Variants in TMPRSS3 observed in about 807,000 individuals in gnomAD.
TMPRSS3 encodes the protein transmembrane serine protease 3, also known as transmembrane protease serine 3.
TMPRSS3 carries 55 observed loss-of-function variants against 59.6 expected under a neutral mutation model. The observed-to-expected ratio is 0.92, with a 90% confidence interval of 0.74 to 1.16. TMPRSS3 has a LOEUF of 1.16. Among genes scored for constraint, TMPRSS3 ranks in the 50% most tolerant of loss-of-function variants. The probability of loss-of-function intolerance (pLI) is 0.00; values close to 1 mark genes in which losing one functional copy is unlikely to be tolerated. For synonymous variants in TMPRSS3, 257 were observed against 237.7 expected (o/e 1.08, Z -0.75); for missense variants, 596 against 579.4 (o/e 1.03, Z -0.29).
chr21:42,395,518 G>T, intron 1 of TMPRSS3, 50 bp from the exon 2 acceptor site: 1 of 969,784 alleles, frequency 1.0e-6, no homozygotes, highest in Non-Finnish European at 1.6e-6. Context: ...TATACTTGTA[G>T]CATCAGGTGC....
rs568043129 is a variant in TMPRSS3, at chr21:42,377,798, G to A, written c.1049-1115C>T. On this transcript the variant is annotated intron_variant, in intron 10 of 12. Transcript: ENST00000644384. Reference sequence around the variant, plus strand: ...CTCAGCTTCCTGCCCGGAACGTGGCGAAACAGCTCAATGCATTATGGGAGA... The same window carrying A: ...CTCAGCTTCCTGCCCGGAACGTGGCAAAACAGCTCAATGCATTATGGGAGA... Among the ~76,000 whole-genome samples the A allele has an allele frequency of 3.9e-5, 6 of 152,356 alleles. No homozygotes were observed. In the South Asian group the frequency reaches 6.2e-4, roughly 16 times the overall value.
rs727505305 is a variant in TMPRSS3, at chr21:42,376,530, C to A, written c.1191+11G>T. 1.2e-6 allele frequency: 2 copies of A among 1,612,546 alleles called. No individual in the cohort carries two copies. The highest frequency in any genetic ancestry group is 1.7e-6 in the Non-Finnish European group (2 of 1,179,810). On this transcript the variant is annotated intron_variant, in intron 11 of 12. Transcript: ENST00000644384. ...CCTGCCACGGCCTCGCCCACCGCTG[C>A]GGCCCCGTACCTGGCAGCTGTCCAC...
At chr21:42,373,909 G>A (rs1211902254) in intron 12 of TMPRSS3, among the ~76,000 whole-genome samples, 3 of 152,148 alleles carry the variant, frequency 2.0e-5, no homozygotes, top group Non-Finnish European at 4.4e-5. Context: ...AAGACACGGC[G>A]GTGGGCTTCT....
rs892194346 is a variant in TMPRSS3, at chr21:42,388,229, C to T, written c.446+174G>A. On this transcript the variant is annotated intron_variant, in intron 5 of 12. Coordinates refer to ENST00000644384, the MANE Select transcript of TMPRSS3 (RefSeq NM_001256317.3). The surrounding 1 kb of genome is among the most constrained non-coding windows in gnomAD (Gnocchi z 5.1). ...GAGCAAGTCACTTAGCCTGTCTGGC[C>T]TTGGTTTGCTTGCCTGTGAAGTGAG... 6.6e-6 allele frequency among the ~76,000 whole-genome samples: 1 copy of T among 152,236 alleles called. No individual in the cohort carries two copies. Among genetic ancestry groups the T allele is most frequent in the African/African-American group, 2.4e-5 (1 of 41,458 alleles).
At chr21:42,384,236 A>C (rs184077756) in intron 6 of TMPRSS3, among the ~76,000 whole-genome samples, 20 of 152,246 alleles carry the variant, frequency 1.3e-4, no homozygotes, top group Non-Finnish European at 2.8e-4. Context: ...TTGTGTACAC[A>C]ACAGGCCGTT....
chr21:42,381,749 G>A lies in TMPRSS3; in HGVS notation c.952+316C>T, dbSNP rs560086315. The A allele has an allele frequency of 3.7e-5, 18 of 485,134 alleles. No individual in the cohort carries two copies. The East Asian group carries it at 5.1e-4, about 14-fold the overall frequency. The allele number at this position is 485,134 out of a possible 1,614,324, so 30.1% of individuals were successfully genotyped here. A position where few individuals can be genotyped will look rare whatever the true frequency, so the allele number is the denominator to read the frequency against. Reference sequence around the variant, plus strand: ...GCAGAGTCATCAGTGCATTCATTCTGTAGGCCAGGATCTACAAACTACATT... The same window carrying A: ...GCAGAGTCATCAGTGCATTCATTCTATAGGCCAGGATCTACAAACTACATT... On this transcript the variant is annotated intron_variant, in intron 9 of 12. Coordinates refer to ENST00000644384, the MANE Select transcript of TMPRSS3 (RefSeq NM_001256317.3).
chr21:42,377,013 A>C (rs2052443085), intron 10 of TMPRSS3, among the ~76,000 whole-genome samples: 1 of 152,214 alleles, frequency 6.6e-6, no homozygotes, highest in Admixed American at 6.5e-5. Context: ...GCACCAGCCC[A>C]ATCAGCCATC....
At position 42,384,014 on chromosome 21, in the gene TMPRSS3, C is replaced by T. The variant is rs900915989; in HGVS notation, c.573-1G>A. ...CACGTGGCCAGAGGCACATCCCTCC[C>T]TAAAGCGGAGAAAAAGTAGGCTCTG... On this transcript the variant is annotated splice_acceptor_variant, in intron 6 of 12. Transcript: ENST00000644384. LOFTEE classifies it high-confidence loss of function. The T allele has an allele frequency of 1.2e-6, 2 of 1,613,932 alleles. No individual in the cohort carries two copies. The highest frequency in any genetic ancestry group is 2.7e-5 in the African/African-American group (2 of 75,008).
rs571991614 is a variant in TMPRSS3, at chr21:42,383,254, T to A, written c.617-56A>T. 2,049 of 1,578,714 alleles carry A rather than the reference T, an allele frequency of 1.3e-3. 4 individuals carry two copies. The highest frequency in any genetic ancestry group is 3.3e-3 in the Middle Eastern group (20 of 5,972). ...ACCCTGCAGACTTCTTTGGGGGACA[T>A]GGTGTCACCACCATGCACCTGCTCC... On this transcript the variant is annotated intron_variant, in intron 7 of 12. Transcript: ENST00000644384.
At chr21:42,383,345 G>A (rs899877658) in intron 7 of TMPRSS3, 147 bp from the exon 8 acceptor site, 2 of 840,482 alleles carry the variant, frequency 2.4e-6, no homozygotes, top group Non-Finnish European at 3.8e-6. Context: ...GTGCTGCAAG[G>A]GGGAGCTCAG....
rs1474686299 is a variant in TMPRSS3, at chr21:42,388,136, G to T, written c.446+267C>A. Among the ~76,000 whole-genome samples, 1 of 152,134 alleles carries T rather than the reference G, an allele frequency of 6.6e-6. No individual in the cohort carries two copies. The highest frequency in any genetic ancestry group is 1.5e-5 in the Non-Finnish European group (1 of 68,020). ...GTTTTCTACTTTGAAACTTTTTATT[G>T]CATGTTCGTATCTCCGATCCTGGCC... On this transcript the variant is annotated intron_variant, in intron 5 of 12. Coordinates refer to ENST00000644384, the MANE Select transcript of TMPRSS3 (RefSeq NM_001256317.3). The surrounding 1 kb of genome is among the most constrained non-coding windows in gnomAD (Gnocchi z 5.1).
At chr21:42,383,551 C>T (rs563084211) in intron 7 of TMPRSS3, 18 of 506,234 alleles carry the variant, frequency 3.6e-5, no homozygotes, top group Non-Finnish European at 5.1e-5. Context: ...TCCTCACTGC[C>T]GCTGGTGCAC....
At chr21:42,382,439 G>A (rs975557205) in intron 8 of TMPRSS3, 1 of 607,456 alleles carries the variant, frequency 1.6e-6, no homozygotes, top group Non-Finnish European at 3.0e-6. Context: ...GTGTTTCCCA[G>A]ACCTCACTCT....
intron 10 of TMPRSS3, among the ~76,000 whole-genome samples, chr21:42,379,504 C>CACGGCAGCCACGGAA (rs763827231): frequency 4.8e-4 from 73 of 152,254 alleles, no homozygotes; most frequent in Non-Finnish European, 8.2e-4. Context: ...GATAATTTGT[C>CACGGCAGCCACGGAA]ACGGCAGCCA....
chr21:42,381,965 G>T, intron 9 of TMPRSS3, 100 bp downstream of exon 9: 1 of 1,428,212 alleles, frequency 7.0e-7, no homozygotes, highest in Non-Finnish European at 9.9e-7. Flanking sequence ...TATCTGACAA[G>T]GATTATAAAG....
intron 5 of TMPRSS3, among the ~76,000 whole-genome samples, chr21:42,385,908 A>G (rs2052627273): frequency 6.6e-6 from 1 of 152,090 alleles, no homozygotes; most frequent in East Asian, 1.9e-4. Context: ...TGAGCACAAA[A>G]CTAGGTGCAG....
rs2052788326 is a variant in TMPRSS3, at chr21:42,395,317, C to T, written c.94+7G>A. The T allele has an allele frequency of 1.9e-6, 3 of 1,612,538 alleles. No homozygotes were observed. Among genetic ancestry groups the T allele is most frequent in the South Asian group, 1.1e-5 (1 of 91,036 alleles). ...AAATCACAGAGTCCTCACCTGGGTC[C>T]ACTTACCTGGTGCAACAGGACTTAT... On this transcript the variant is annotated splice_region_variant and intron_variant, in intron 2 of 12. Transcript: ENST00000644384.
rs746699404 is a variant in TMPRSS3 at position 42,383,217 on chromosome 21, G to C, written c.617-19C>G. ...CCACAGGCTATGGAGGGGAACAAAG[G>C]CTTGTGGGTCCACCCTGCAGACTTC... On this transcript the variant is annotated intron_variant, in intron 7 of 12. Coordinates refer to ENST00000644384, the MANE Select transcript of TMPRSS3 (RefSeq NM_001256317.3). 1.9e-6 allele frequency: 3 copies of C among 1,613,742 alleles called. No homozygotes were observed. Among genetic ancestry groups the C allele is most frequent in the African/African-American group, 2.7e-5 (2 of 74,936 alleles).
intron 10 of TMPRSS3, among the ~76,000 whole-genome samples, chr21:42,377,518 A>G (rs2052450863): frequency 6.6e-6 from 1 of 152,194 alleles, no homozygotes; most frequent in Admixed American, 6.5e-5. Flanking sequence ...CTTCCTAACT[A>G]TGAGATGATA....
Sources: gnomAD v4.1 joint callset for allele counts (sites outside exome capture counted in the v4.1 genomes callset) on GRCh38, gnomAD v4.1.1 for gene constraint, Gnocchi (gnomAD v3.1) non-coding constraint, MANE v1.5 for transcripts, NCBI Gene and HGNC (gene_info 2026-07-23, HGNC 2026-07-21) for gene names.